The following THADA variants were observed in gnomAD, a reference collection of about 807,000 sequenced individuals.
The protein encoded by THADA is tRNA (32-2'-O)-methyltransferase regulator THADA.
A neutral mutation model predicts 219.8 loss-of-function variants in THADA; 213 were observed. That is an observed-to-expected ratio of 0.97 (90% confidence interval 0.87 to 1.09). The LOEUF is 1.09. THADA is among the 50% of genes least tolerant of loss of function. The pLI is 0.00. For synonymous variants in THADA, 1,018 were observed against 828.9 expected (o/e 1.23, Z -3.92); for missense variants, 2,956 against 2,311.3 (o/e 1.28, Z -5.72).
intron 31 of THADA, among the ~76,000 whole-genome samples, chr2:43,297,508 G>A (rs1558539624): frequency 1.0e-5 from 1 of 95,654 alleles, no homozygotes; most frequent in Non-Finnish European, 2.1e-5. Context: ...TGGGCGGTCA[G>A]CCCCCCCGCC....
chr2:43,530,039 T>C (rs1225750567), intron 21 of THADA, among the ~76,000 whole-genome samples: 4 of 152,014 alleles, frequency 2.6e-5, no homozygotes, highest in Non-Finnish European at 5.9e-5. Context: ...AAAGACGTAA[T>C]CCACACTCAA....
intron 26 of THADA, among the ~76,000 whole-genome samples, chr2:43,444,197 C>T (rs1026575276): frequency 6.6e-6 from 1 of 152,198 alleles, no homozygotes; most frequent in East Asian, 1.9e-4. Flanking sequence ...CTACACCTCC[C>T]TCCTCATATA....
intron 31 of THADA, among the ~76,000 whole-genome samples, chr2:43,316,428 C>T (rs992849832): frequency 6.6e-6 from 1 of 152,198 alleles, no homozygotes; most frequent in Non-Finnish European, 1.5e-5. Flanking sequence ...TTTTCTGGAT[C>T]AGTCAGAGGG....
intron 36 of THADA, among the ~76,000 whole-genome samples, chr2:43,249,766 A>C (rs1197293639): frequency 2.0e-5 from 3 of 151,992 alleles, no homozygotes; most frequent in African/African-American, 7.3e-5. Context: ...AGTGACCCTG[A>C]ATCTTCTCAG....
At chr2:43,523,852 T>G (rs1389731803) in intron 22 of THADA, among the ~76,000 whole-genome samples, 10 of 152,202 alleles carry the variant, frequency 6.6e-5, no homozygotes, top group Non-Finnish European at 2.9e-5. Flanking sequence ...AAATCTCCCT[T>G]CTAGATTTAG....
chr2:43,436,225 A>G (rs1680083944), intron 26 of THADA, among the ~76,000 whole-genome samples: 1 of 152,224 alleles, frequency 6.6e-6, no homozygotes, highest in African/African-American at 2.4e-5. Context: ...AGTTATAAAT[A>G]TTGAAATGGG....
intron 26 of THADA, among the ~76,000 whole-genome samples, chr2:43,431,614 C>A (rs1229203391): frequency 6.8e-6 from 1 of 146,146 alleles, no homozygotes; most frequent in Non-Finnish European, 1.5e-5. Flanking sequence ...TACAGGCGCC[C>A]GCCACCACGC....
At chr2:43,559,372 T>G (rs1167256919) in intron 16 of THADA, among the ~76,000 whole-genome samples, 1 of 152,134 alleles carries the variant, frequency 6.6e-6, no homozygotes, top group East Asian at 1.9e-4. Flanking sequence ...AAACAGACAC[T>G]ATCCTCTCTG....
intron 7 of THADA, among the ~76,000 whole-genome samples, chr2:43,582,469 C>G (rs1293234280): frequency 6.8e-6 from 1 of 147,550 alleles, no homozygotes; most frequent in Non-Finnish European, 1.5e-5. Flanking sequence ...TGCACTCCAG[C>G]CTGGGTGAGA....
At chr2:43,551,758 G>A in intron 19 of THADA, 31 bp downstream of exon 19, 1 of 1,597,930 alleles carries the variant, frequency 6.3e-7, no homozygotes, top group Non-Finnish European at 8.5e-7. Context: ...TCAAACCACA[G>A]CACTCTAGCC....
At chr2:43,312,270 T>C (rs902033536) in intron 31 of THADA, among the ~76,000 whole-genome samples, 1 of 151,782 alleles carries the variant, frequency 6.6e-6, no homozygotes. Context: ...TAGAACGGTA[T>C]TTCACTCCTG....
At chr2:43,392,073 C>T (rs1573426110) in intron 29 of THADA, among the ~76,000 whole-genome samples, 1 of 152,232 alleles carries the variant, frequency 6.6e-6, no homozygotes, top group Admixed American at 6.5e-5. Flanking sequence ...ATTTTCGAGG[C>T]ATAAAACAAA....
chr2:43,455,176 C>T (rs1406244168), intron 26 of THADA, among the ~76,000 whole-genome samples: 1 of 152,142 alleles, frequency 6.6e-6, no homozygotes, highest in Non-Finnish European at 1.5e-5. Context: ...CTAGGTCAAT[C>T]TCTGGCAGTG....
chr2:43,326,326 G>A (rs1679330873), intron 30 of THADA, among the ~76,000 whole-genome samples: 1 of 152,146 alleles, frequency 6.6e-6, no homozygotes, highest in South Asian at 2.1e-4. Flanking sequence ...TTGGAGAATG[G>A]GGAGGAGGTA....
At chr2:43,374,407 C>G (rs149152154) in intron 29 of THADA, among the ~76,000 whole-genome samples, 88 of 152,170 alleles carry the variant, frequency 5.8e-4, no homozygotes, top group Admixed American at 1.6e-3. Context: ...TTTCTAGAAC[C>G]GTTATGAGGA....
Position 43,552,190 on chromosome 2 carries a change from G to C in THADA, c.2810+14C>G, listed in dbSNP as rs1696828953. The C allele has an allele frequency of 6.2e-7, 1 of 1,601,458 alleles. No homozygotes were observed. Among genetic ancestry groups the C allele is most frequent in the African/African-American group, 1.3e-5 (1 of 74,664 alleles). On this transcript the variant is annotated intron_variant, in intron 18 of 37. Transcript: ENST00000405975. ...TGGATTTCTGAGACAGGAGGCAGCT[G>C]TGGAAATCCTTACTTTAGAGATAAC...
intron 21 of THADA, among the ~76,000 whole-genome samples, chr2:43,538,104 C>T (rs1300842130): frequency 6.6e-6 from 1 of 152,072 alleles, no homozygotes; most frequent in Non-Finnish European, 1.5e-5. Context: ...TAGGGAAATA[C>T]ATATAAACTT....
intron 36 of THADA, among the ~76,000 whole-genome samples, chr2:43,246,786 C>T (rs1464719898): frequency 6.6e-6 from 1 of 152,160 alleles, no homozygotes; most frequent in Non-Finnish European, 1.5e-5. Flanking sequence ...CCTATCTGTC[C>T]CCTGTGGCCA....
intron 26 of THADA, among the ~76,000 whole-genome samples, chr2:43,464,910 G>A (rs1022978287): frequency 6.6e-6 from 1 of 151,976 alleles, no homozygotes; most frequent in African/African-American, 2.4e-5. Context: ...AGCCAGTAAC[G>A]AACATTTTGC....
Sources: gnomAD v4.1 joint callset for allele counts (sites outside exome capture counted in the v4.1 genomes callset) on GRCh38, gnomAD v4.1.1 for gene constraint, MANE v1.5 for transcripts, NCBI Gene and HGNC (gene_info 2026-07-23, HGNC 2026-07-21) for gene names.